The following MAP4K4 variants were observed in gnomAD, a reference collection of about 807,000 sequenced individuals.
MAP4K4 encodes the protein HPK/GCK-like kinase HGK.
Under a neutral mutation model 189.6 loss-of-function variants are expected in MAP4K4, and 38 were observed. The ratio of observed to expected loss-of-function variants is 0.20; its 90% confidence interval spans 0.15 to 0.26. The LOEUF is 0.26. MAP4K4 is among the 10% of genes least tolerant of loss of function. MAP4K4 has a pLI of 1.00. For missense variants in MAP4K4, 1,054 were observed against 1,726.9 expected, an observed-to-expected ratio of 0.61 and a Z score of 6.91; for synonymous variants, 610 against 624.3, an observed-to-expected ratio of 0.98 and a Z score of 0.34.
intron 21 of MAP4K4, among the ~76,000 whole-genome samples, chr2:101,868,861 A>G (rs1196215996): frequency 3.3e-5 from 5 of 151,636 alleles, no homozygotes; most frequent in Non-Finnish European, 7.4e-5. Flanking sequence ...TTTCAGTATG[A>G]GGTAAAATTC....
At chr2:101,850,117 A>T (rs763815065) in intron 12 of MAP4K4, among the ~76,000 whole-genome samples, 7 of 152,128 alleles carry the variant, frequency 4.6e-5, no homozygotes, top group Non-Finnish European at 1.0e-4. Context: ...ACTAAGGGTA[A>T]ATGTTAGTGT....
At chr2:101,746,894 T>C (rs770805385) in intron 2 of MAP4K4, among the ~76,000 whole-genome samples, 3 of 152,228 alleles carry the variant, frequency 2.0e-5, no homozygotes, top group South Asian at 2.1e-4. Flanking sequence ...CTTAAACATA[T>C]AGAATATTGA....
Position 101,868,009 on chromosome 2 carries a change from G to T in MAP4K4, c.2455-20G>T. On this transcript the variant is annotated intron_variant, in intron 20 of 32. Coordinates refer to ENST00000324219, the Ensembl canonical transcript of MAP4K4. ...TCAACGATGGCTTCTCGGACTCCACGAAACTGCGCTGTACTGAAGGGCGAA... is the reference window on the plus strand; with the variant it reads ...TCAACGATGGCTTCTCGGACTCCACTAAACTGCGCTGTACTGAAGGGCGAA... 1 of 1,613,230 alleles carries T rather than the reference G, an allele frequency of 6.2e-7. No homozygotes were observed. Among genetic ancestry groups the T allele is most frequent in the Non-Finnish European group, 8.5e-7 (1 of 1,179,686 alleles).
At chr2:101,789,248 C>T (rs1217757798) in intron 2 of MAP4K4, among the ~76,000 whole-genome samples, 2 of 152,168 alleles carry the variant, frequency 1.3e-5, no homozygotes, top group Non-Finnish European at 2.9e-5. Flanking sequence ...AATACTATAT[C>T]CTCTGAAATT....
intron 2 of MAP4K4, among the ~76,000 whole-genome samples, chr2:101,731,874 A>G (rs185963154): frequency 3.9e-5 from 6 of 152,232 alleles, no homozygotes; most frequent in African/African-American, 1.2e-4. Flanking sequence ...TTTAAATGAA[A>G]AAGTTTTGGT....
At chr2:101,881,189 A>C (rs1258629320) in intron 27 of MAP4K4, among the ~76,000 whole-genome samples, 1 of 152,270 alleles carries the variant, frequency 6.6e-6, no homozygotes, top group African/African-American at 2.4e-5. Context: ...GCAAAGGGCT[A>C]ATTTTATTAG....
chr2:101,893,893 T>C (rs2098598473), exon 33 of MAP4K4: 1 of 152,364 alleles, frequency 6.6e-6, no homozygotes. Flanking sequence ...TTGAATCCAT[T>C]GTTGGGCTTA....
At chr2:101,743,317 C>G (rs905014146) in intron 2 of MAP4K4, among the ~76,000 whole-genome samples, 1 of 152,116 alleles carries the variant, frequency 6.6e-6, no homozygotes, top group Non-Finnish European at 1.5e-5. Context: ...AGCAATATTT[C>G]TAACACAGTG....
intron 12 of MAP4K4, among the ~76,000 whole-genome samples, chr2:101,845,802 T>A (rs1037131378): frequency 2.0e-5 from 3 of 152,208 alleles, no homozygotes; most frequent in Non-Finnish European, 4.4e-5. Flanking sequence ...TCATTCATTA[T>A]CATTTCTGTT....
exon 33 of MAP4K4, chr2:101,891,604 C>A: frequency 5.5e-6 from 1 of 181,856 alleles, no homozygotes; most frequent in South Asian, 1.4e-4. Context: ...TTGTGGGTGT[C>A]TGACAGTGGC....
intron 2 of MAP4K4, among the ~76,000 whole-genome samples, chr2:101,741,836 A>C (rs1041049369): frequency 6.6e-6 from 1 of 152,158 alleles, no homozygotes; most frequent in African/African-American, 2.4e-5. Flanking sequence ...CAGTGTACTT[A>C]TTTGAAAAAT....
chr2:101,888,422 A>G (rs1577494268), intron 31 of MAP4K4, among the ~76,000 whole-genome samples: 1 of 152,258 alleles, frequency 6.6e-6, no homozygotes, highest in East Asian at 1.9e-4. Flanking sequence ...TTCCAAAACT[A>G]TTTTGGTTTT....
At chr2:101,815,227 G>T (rs181252717) in intron 3 of MAP4K4, among the ~76,000 whole-genome samples, 2 of 152,120 alleles carry the variant, frequency 1.3e-5, no homozygotes, top group East Asian at 3.9e-4. Flanking sequence ...TCTTCTATTG[G>T]TGGGAAAGTA....
At chr2:101,877,128 G>A (rs1577252409) in exon 27 of MAP4K4, 1 of 1,614,024 alleles carries the variant, frequency 6.2e-7, no homozygotes, top group South Asian at 1.1e-5. Flanking sequence ...GGGCTTGAAT[G>A]TCTTGGTGAC....
chr2:101,719,623 C>T (rs181987930), intron 2 of MAP4K4, among the ~76,000 whole-genome samples: 3 of 152,266 alleles, frequency 2.0e-5, no homozygotes, highest in East Asian at 3.9e-4. Flanking sequence ...CTTTTTGGTT[C>T]TTGATTATGT....
At chr2:101,714,990 A>T (rs956344662) in intron 2 of MAP4K4, among the ~76,000 whole-genome samples, 1 of 152,236 alleles carries the variant, frequency 6.6e-6, no homozygotes, top group African/African-American at 2.4e-5. Context: ...AAGACCCAAA[A>T]GAACAAATGT....
chr2:101,701,779 G>T (rs1483884448), intron 2 of MAP4K4, among the ~76,000 whole-genome samples: 1 of 152,168 alleles, frequency 6.6e-6, no homozygotes, highest in East Asian at 1.9e-4. Flanking sequence ...TATAAGAGAA[G>T]TGTCTGGTAT....
Position 101,743,411 on chromosome 2 carries a change from A to C in MAP4K4, c.123+44873A>C, listed in dbSNP as rs576169806. ...AGGAAGAGCGTTGATTTGACCGTTCATTTTTGGATCCAGTGTTTGTTAAGG... is the reference window on the plus strand; with the variant it reads ...AGGAAGAGCGTTGATTTGACCGTTCCTTTTTGGATCCAGTGTTTGTTAAGG... On this transcript the variant is annotated intron_variant, in intron 2 of 32. Coordinates refer to ENST00000324219, the Ensembl canonical transcript of MAP4K4. Among the ~76,000 whole-genome samples the C allele has an allele frequency of 6.6e-5, 10 of 151,844 alleles. No homozygotes were observed. The East Asian group carries it at 1.9e-3, about 30-fold the overall frequency.
intron 2 of MAP4K4, among the ~76,000 whole-genome samples, chr2:101,752,047 C>T (rs1157919393): frequency 1.3e-5 from 2 of 152,142 alleles, no homozygotes; most frequent in Admixed American, 6.6e-5. Context: ...GCCATGTGAA[C>T]GTCCTCTGGG....
Sources: gnomAD v4.1 joint callset for allele counts (sites outside exome capture counted in the v4.1 genomes callset) on GRCh38, gnomAD v4.1.1 for gene constraint, MANE v1.5 for transcripts, NCBI Gene and HGNC (gene_info 2026-07-23, HGNC 2026-07-21) for gene names.